The following UVRAG variants were observed in gnomAD, a reference collection of about 807,000 sequenced individuals.
UVRAG encodes the protein UV radiation resistance associated.
A neutral mutation model predicts 78.0 loss-of-function variants in UVRAG; 19 were observed. That is an observed-to-expected ratio of 0.24 (90% confidence interval 0.17 to 0.36). UVRAG has a LOEUF of 0.36. Among genes scored for constraint, UVRAG ranks in the 10% least tolerant of loss-of-function variants. The pLI, the probability that UVRAG is intolerant of heterozygous loss-of-function variation, is 1.00. For missense variants in UVRAG, 740 were observed against 853.8 expected (o/e 0.87, Z 1.66); for synonymous variants, 323 against 324.6 (o/e 1.00, Z 0.05).
intron 12 of UVRAG, among the ~76,000 whole-genome samples, chr11:76,063,956 A>G (rs1951140053): frequency 6.6e-6 from 1 of 152,242 alleles, no homozygotes; most frequent in Non-Finnish European, 1.5e-5. Context: ...ATACTATTCA[A>G]CTTCAAGTGA....
intron 1 of UVRAG, among the ~76,000 whole-genome samples, chr11:75,821,894 T>G (rs1289113920): frequency 6.6e-6 from 1 of 151,632 alleles, no homozygotes; most frequent in African/African-American, 2.4e-5. Context: ...AGAGGTAAAG[T>G]GCCATTTTCA....
intron 4 of UVRAG, among the ~76,000 whole-genome samples, chr11:75,881,908 G>T (rs1251721302): frequency 1.3e-5 from 2 of 152,152 alleles, no homozygotes; most frequent in East Asian, 3.8e-4. Context: ...TTTAGGAAAT[G>T]ATTCAAGATC....
chr11:75,975,563 C>T (rs1250765486), intron 7 of UVRAG, among the ~76,000 whole-genome samples: 36 of 152,242 alleles, frequency 2.4e-4, no homozygotes, highest in Non-Finnish European at 1.5e-5. Context: ...TTGTAATTCT[C>T]CTTAAAGAGG....
Position 75,961,530 on chromosome 11 carries a change from C to T in UVRAG, c.680C>T (p.Thr227Ile). Residue 227 changes from threonine to isoleucine, a missense_variant, in exon 7 of 15, where the codon ACA becomes ATA. Coordinates refer to ENST00000356136, the MANE Select transcript of UVRAG (RefSeq NM_003369.4). ...GKEIEEKLRL[T>I]STSNELKKKS... ...GAAATTGAAGAAAAACTAAGACTCA[C>T]ATCTACAAGCAATGAACTGGTAGGT... is the stretch of plus-strand genomic sequence containing the variant. 6.2e-7 allele frequency: 1 copy of T among 1,602,498 alleles called. No individual in the cohort carries two copies. Among genetic ancestry groups the T allele is most frequent in the South Asian group, 1.1e-5 (1 of 88,236 alleles).
chr11:76,024,892 G>A (rs910916881), intron 12 of UVRAG, among the ~76,000 whole-genome samples: 1 of 152,060 alleles, frequency 6.6e-6, no homozygotes, highest in Admixed American at 6.6e-5. Context: ...ATGGGAGATG[G>A]CAAGTAGAAA....
chr11:76,030,232 T>C (rs1015677353), intron 12 of UVRAG, among the ~76,000 whole-genome samples: 1 of 152,080 alleles, frequency 6.6e-6, no homozygotes, highest in African/African-American at 2.4e-5. Flanking sequence ...AGGGTGCCGC[T>C]ATGTTGACCA....
In UVRAG at chr11:75,892,046, G is replaced by A. The variant is rs73491786; in HGVS notation, c.507+3143G>A. Among the ~76,000 whole-genome samples, 9 of 152,224 alleles carry A rather than the reference G, an allele frequency of 5.9e-5. No individual in the cohort carries two copies. In the East Asian group the frequency reaches 7.7e-4, roughly 13 times the overall value. ...TTTGCTGTGACTAAAAGGGCTTGTC[G>A]ATTCCTTCTATATACTTCCTCTTGG... On this transcript the variant is annotated intron_variant, in intron 5 of 14. Coordinates refer to ENST00000356136, the MANE Select transcript of UVRAG (RefSeq NM_003369.4).
intron 5 of UVRAG, among the ~76,000 whole-genome samples, chr11:75,904,761 A>G (rs995497347): frequency 6.6e-6 from 1 of 151,104 alleles, no homozygotes; most frequent in Non-Finnish European, 1.5e-5. Flanking sequence ...TGAGTATTAA[A>G]TGTGTTAACA....
At chr11:75,893,812 T>C (rs1345772384) in intron 5 of UVRAG, among the ~76,000 whole-genome samples, 2 of 150,826 alleles carry the variant, frequency 1.3e-5, no homozygotes, top group African/African-American at 4.9e-5. Context: ...CATTGCACTC[T>C]AGCCTATGTG....
chr11:76,066,143 A>G (rs1951180876), intron 13 of UVRAG, among the ~76,000 whole-genome samples: 1 of 152,058 alleles, frequency 6.6e-6, no homozygotes, highest in African/African-American at 2.4e-5. Context: ...CTCAATTTGC[A>G]TTGTTGTTTA....
In UVRAG at chr11:76,062,595, TTC is replaced by T. The variant is rs1951115487; in HGVS notation, c.1227-3110_1227-3109del. ...AAACACCTCTGGTTCCTTCAACAAT[TTC>T]TCTCAATACTGACTTCTGTTCCCCT... On this transcript the variant is annotated intron_variant, in intron 12 of 14. Transcript: ENST00000356136. Among the ~76,000 whole-genome samples, 4 of 152,164 alleles carry T rather than the reference TTC, an allele frequency of 2.6e-5. No homozygotes were observed. In the South Asian group the frequency reaches 8.3e-4, roughly 32 times the overall value.
At chr11:76,125,857 CT>C (rs1443931653) in intron 14 of UVRAG, among the ~76,000 whole-genome samples, 1 of 151,804 alleles carries the variant, frequency 6.6e-6, no homozygotes, top group Non-Finnish European at 1.5e-5. Flanking sequence ...CCTTGTATTT[CT>C]TTTCTAATTC....
chr11:75,878,594 A>G lies in UVRAG; in HGVS notation c.271-1285A>G, dbSNP rs1425644195. On this transcript the variant is annotated intron_variant, in intron 3 of 14. Coordinates refer to ENST00000356136, the MANE Select transcript of UVRAG (RefSeq NM_003369.4). Reference sequence around the variant, plus strand: ...CCATTGAGCACTGAGTGAACCAGACACCGTCTGCAATCCCGGCACCTCCGG... The same window carrying G: ...CCATTGAGCACTGAGTGAACCAGACGCCGTCTGCAATCCCGGCACCTCCGG... The G allele has an allele frequency of 3.2e-5, 5 of 156,542 alleles. No individual in the cohort carries two copies. The South Asian group carries it at 8.7e-4, about 27-fold the overall frequency. 9.7% of individuals were successfully genotyped at this position (156,542 alleles called of 1,614,324 possible). A position where few individuals can be genotyped will look rare whatever the true frequency, so the allele number is the denominator to read the frequency against.
At chr11:75,867,804 G>A (rs897250922) in intron 3 of UVRAG, among the ~76,000 whole-genome samples, 8 of 152,146 alleles carry the variant, frequency 5.3e-5, no homozygotes, top group Non-Finnish European at 8.8e-5. Flanking sequence ...AATTTAAATT[G>A]TTAAATATTA....
intron 6 of UVRAG, among the ~76,000 whole-genome samples, chr11:75,948,977 A>G (rs1317797690): frequency 6.6e-6 from 1 of 152,238 alleles, no homozygotes; most frequent in East Asian, 1.9e-4. Flanking sequence ...AACTACAATT[A>G]GTAACCGAGC....
chr11:75,869,353 GA>G (rs1035530432), intron 3 of UVRAG, among the ~76,000 whole-genome samples: 7 of 152,108 alleles, frequency 4.6e-5, no homozygotes, highest in Non-Finnish European at 7.4e-5. Flanking sequence ...AAATCTTTGG[GA>G]AAAAAACTGG....
At position 76,143,630 on chromosome 11, in the gene UVRAG, G is replaced by A. The variant is rs186641637; in HGVS notation, c.*2217G>A. On this transcript the variant is annotated 3_prime_UTR_variant, in exon 15 of 15. Transcript: ENST00000356136. ...TTTGGGTTCGTTTAGTTCGAGTTTG[G>A]GGTTTTCATTTGAACTTGTTTGATG... Among the ~76,000 whole-genome samples the A allele has an allele frequency of 9.8e-5, 15 of 152,316 alleles. No homozygotes were observed. In the East Asian group the frequency reaches 2.9e-3, roughly 29 times the overall value.
At chr11:76,009,063 C>T (rs890755304) in intron 11 of UVRAG, among the ~76,000 whole-genome samples, 196 bp downstream of exon 11, 1 of 151,962 alleles carries the variant, frequency 6.6e-6, no homozygotes, top group Non-Finnish European at 1.5e-5. Flanking sequence ...AATTACTGAA[C>T]CTTATATTAG....
At chr11:75,976,045 A>G (rs986859419) in intron 7 of UVRAG, among the ~76,000 whole-genome samples, 2 of 152,234 alleles carry the variant, frequency 1.3e-5, no homozygotes, top group African/African-American at 4.8e-5. Flanking sequence ...TGTCCCATCA[A>G]TACCTAATTT....
Sources: allele counts gnomAD v4.1 joint callset (sites outside exome capture counted in the v4.1 genomes callset), GRCh38; gene constraint gnomAD v4.1.1; transcripts MANE v1.5; gene names NCBI Gene and HGNC (gene_info 2026-07-23, HGNC 2026-07-21).